Variants in OR7E24 observed in about 807,000 individuals in gnomAD.
OR7E24 encodes the protein olfactory receptor 7E24.
For missense variants in OR7E24, 385 were observed against 410.3 expected, an observed-to-expected ratio of 0.94 and a Z score of 0.53; for synonymous variants, 130 against 157.5, an observed-to-expected ratio of 0.83 and a Z score of 1.31.
upstream of OR7E24, among the ~76,000 whole-genome samples, chr19:9,247,726 C>A (rs528123828): frequency 6.6e-6 from 1 of 152,304 alleles, no homozygotes; most frequent in South Asian, 2.1e-4. Flanking sequence ...CATTTCCATA[C>A]TCCCTTACAA....
chr19:9,214,170 G>A, the OR7E24 span: 1 of 1,614,156 alleles, frequency 6.2e-7, no homozygotes. Flanking sequence ...CATTAAGGAG[G>A]AGACAATCTG....
the OR7E24 span, among the ~76,000 whole-genome samples, chr19:9,228,462 CTT>C: frequency 2.8e-5 from 4 of 145,358 alleles, no homozygotes; most frequent in South Asian, 4.2e-4. Flanking sequence ...CACTTTCTCT[CTT>C]CTCTCCGCTT....
At chr19:9,233,028 GTC>G in the OR7E24 span, among the ~76,000 whole-genome samples, 31,024 of 151,880 alleles carry the variant, frequency 0.2, 3,362 homozygotes, top group South Asian at 0.33. Context: ...CATCTCACTG[GTC>G]TCTCAAGTCC....
the OR7E24 span, among the ~76,000 whole-genome samples, chr19:9,236,414 G>T: frequency 6.6e-6 from 1 of 152,054 alleles, no homozygotes; most frequent in Admixed American, 6.5e-5. Flanking sequence ...GGAGGCTGAG[G>T]CAGGAGAATC....
At chr19:9,220,238 T>A in the OR7E24 span, among the ~76,000 whole-genome samples, 4,395 of 152,250 alleles carry the variant, frequency 0.029, 208 homozygotes, top group African/African-American at 0.099. Flanking sequence ...ATCATATATA[T>A]CATCATTAAC....
chr19:9,214,035 G>A, the OR7E24 span: 75 of 1,614,118 alleles, frequency 4.6e-5, 2 homozygotes, highest in African/African-American at 8.7e-4. Flanking sequence ...GCTGCTCTGG[G>A]AAGAATGGGT....
At chr19:9,221,412 G>A in the OR7E24 span, among the ~76,000 whole-genome samples, 1 of 115,648 alleles carries the variant, frequency 8.6e-6, no homozygotes, top group Non-Finnish European at 1.7e-5. Context: ...ATGCAGTGGC[G>A]CGATCTCCGC....
the OR7E24 span, chr19:9,213,916 C>T: frequency 1.2e-6 from 2 of 1,613,796 alleles, no homozygotes; most frequent in Non-Finnish European, 8.5e-7. Flanking sequence ...CAAGAGTCGG[C>T]CCTGCTGAGG....
the OR7E24 span, chr19:9,213,926 G>A: frequency 1.2e-6 from 2 of 1,613,926 alleles, no homozygotes; most frequent in African/African-American, 2.7e-5. Flanking sequence ...CCCTGCTGAG[G>A]AGTCTTTCCA....
the OR7E24 span, among the ~76,000 whole-genome samples, chr19:9,231,897 T>C: frequency 1.3e-5 from 2 of 152,198 alleles, no homozygotes; most frequent in Non-Finnish European, 2.9e-5. Context: ...ATTTCTGTTT[T>C]GTGTTATGGA....
chr19:9,211,521 C>T, the OR7E24 span: 1 of 152,044 alleles, frequency 6.6e-6, no homozygotes, highest in Non-Finnish European at 1.5e-5. Flanking sequence ...ATAGAAAGTC[C>T]TCCTTAGAAA....
At chr19:9,245,089 C>G (rs2066125495), upstream of OR7E24, among the ~76,000 whole-genome samples, 1 of 152,044 alleles carries the variant, frequency 6.6e-6, no homozygotes, top group African/African-American at 2.4e-5. Flanking sequence ...GTGGCCTGCA[C>G]CTATAGTCCC....
chr19:9,211,068 A>T, the OR7E24 span: 1 of 152,418 alleles, frequency 6.6e-6, no homozygotes, highest in Admixed American at 6.5e-5. Flanking sequence ...GGGTGCTTAG[A>T]GACCCATGTC....
upstream of OR7E24, among the ~76,000 whole-genome samples, chr19:9,244,939 T>C (rs1385858671): frequency 6.6e-6 from 1 of 152,016 alleles, no homozygotes; most frequent in African/African-American, 2.4e-5. Flanking sequence ...TGTGGTGGCT[T>C]ACACCTATAA....
chr19:9,230,201 C>T, the OR7E24 span, among the ~76,000 whole-genome samples: 3 of 152,036 alleles, frequency 2.0e-5, no homozygotes, highest in Non-Finnish European at 2.9e-5. Context: ...GGCGCCACTA[C>T]GCCTGGCTAA....
chr19:9,217,711 T>G, the OR7E24 span, among the ~76,000 whole-genome samples: 21,713 of 152,048 alleles, frequency 0.14, 2,419 homozygotes, highest in African/African-American at 0.3. Context: ...GCTAATTTTT[T>G]TATTTTTAGT....
chr19:9,237,606 C>T, the OR7E24 span, among the ~76,000 whole-genome samples: 14 of 152,224 alleles, frequency 9.2e-5, no homozygotes, highest in Admixed American at 2.6e-4. Context: ...TGAGCCACCG[C>T]GCCCGGCCTA....
the OR7E24 span, among the ~76,000 whole-genome samples, chr19:9,240,105 A>G: frequency 6.6e-6 from 1 of 151,982 alleles, no homozygotes; most frequent in African/African-American, 2.4e-5. Flanking sequence ...TCCTGGGCTC[A>G]AGTGATCCTC....
rs757876440 is a variant in OR7E24, at chr19:9,251,979, C to T, written c.936C>T (p.Asn312=). The T allele has an allele frequency of 6.2e-7, 1 of 1,614,038 alleles. No individual in the cohort carries two copies. Among genetic ancestry groups the T allele is most frequent in the Admixed American group, 1.7e-5 (1 of 60,000 alleles). The part of the protein sequence containing the change: ...MLNPFIYSLR[N]KDIQSALCRL... ...ACCCCTTCATCTACAGCCTGAGGAA[C>T]AAGGACATTCAAAGTGCCCTGTGCA... The change falls in exon 1 of 1, where the codon AAC becomes AAT. Residue 312 remains asparagine, a synonymous_variant. Coordinates refer to ENST00000456448, the MANE Select transcript of OR7E24 (RefSeq NM_001079935.2).
Sources: allele counts gnomAD v4.1 joint callset (sites outside exome capture counted in the v4.1 genomes callset), GRCh38; gene constraint gnomAD v4.1.1; transcripts MANE v1.5; gene names NCBI Gene and HGNC (gene_info 2026-07-23, HGNC 2026-07-21).